Variants in CSMD1 observed in about 807,000 individuals in gnomAD.
CSMD1 encodes CUB and Sushi multiple domains 1.
A neutral mutation model predicts 417.5 loss-of-function variants in CSMD1; 213 were observed. The observed-to-expected ratio is 0.51, with a 90% CI of 0.46 to 0.57. The LOEUF (loss-of-function observed/expected upper bound fraction) is 0.57, where lower values mean the gene tolerates loss of function less well. Ranked by LOEUF, CSMD1 falls within the 20% of genes least tolerant of loss-of-function variation. The probability of loss-of-function intolerance (pLI) is 0.00; values close to 1 mark genes in which losing one functional copy is unlikely to be tolerated. For synonymous variants in CSMD1, 2,862 were observed against 1,736.8 expected, an observed-to-expected ratio of 1.65 and a Z score of -16.11; for missense variants, 6,923 against 4,529.7, an observed-to-expected ratio of 1.53 and a Z score of -15.17.
chr8:4,103,663 C>G (rs1211351818), intron 3 of CSMD1, among the ~76,000 whole-genome samples: 2 of 151,926 alleles, frequency 1.3e-5, no homozygotes, highest in Non-Finnish European at 2.9e-5. Flanking sequence ...TCTGATATGC[C>G]ACATTTTTAC....
intron 25 of CSMD1, among the ~76,000 whole-genome samples, chr8:3,292,155 C>G (rs149247120): frequency 0.029 from 4,441 of 152,210 alleles, 222 homozygotes; most frequent in African/African-American, 0.097. Context: ...GTTTCTTTAT[C>G]TTGAGTTCTA....
At chr8:3,374,658 G>C in intron 18 of CSMD1, among the ~76,000 whole-genome samples, 1 of 152,120 alleles carries the variant, frequency 6.6e-6, no homozygotes. Context: ...CAAGGTCGGA[G>C]GAAATGCAGA....
At chr8:4,446,130 T>C (rs914301950) in intron 2 of CSMD1, among the ~76,000 whole-genome samples, 8 of 152,182 alleles carry the variant, frequency 5.3e-5, no homozygotes, top group African/African-American at 1.9e-4. Flanking sequence ...GTTACATTCG[T>C]TACATACGTG....
intron 1 of CSMD1, among the ~76,000 whole-genome samples, chr8:4,751,517 T>C (rs940169225): frequency 1.3e-5 from 2 of 152,148 alleles, no homozygotes; most frequent in African/African-American, 2.4e-5. Context: ...TAGATAACTT[T>C]CTAAAGTTAT....
intron 3 of CSMD1, among the ~76,000 whole-genome samples, chr8:4,156,070 G>A (rs1433298128): frequency 6.6e-6 from 1 of 152,100 alleles, no homozygotes. Flanking sequence ...AAATGGAATT[G>A]GAATAGGGCT....
chr8:4,335,593 A>C (rs1203828807), intron 3 of CSMD1, among the ~76,000 whole-genome samples: 1 of 152,136 alleles, frequency 6.6e-6, no homozygotes, highest in Admixed American at 6.6e-5. Flanking sequence ...CTTTTCCTTA[A>C]AACTACTCTA....
chr8:4,310,440 C>G (rs1376700955), intron 3 of CSMD1, among the ~76,000 whole-genome samples: 1 of 152,152 alleles, frequency 6.6e-6, no homozygotes, highest in African/African-American at 2.4e-5. Flanking sequence ...ATAAATTGTG[C>G]AGAAGTAGGA....
intron 12 of CSMD1, among the ~76,000 whole-genome samples, chr8:3,426,627 C>A (rs1291206230): frequency 3.3e-5 from 5 of 152,154 alleles, no homozygotes; most frequent in Non-Finnish European, 7.4e-5. Flanking sequence ...CTGCCACTTT[C>A]AAGGTGAGAT....
At chr8:4,757,888 G>A (rs1811767205) in intron 1 of CSMD1, among the ~76,000 whole-genome samples, 1 of 150,562 alleles carries the variant, frequency 6.6e-6, no homozygotes, top group Non-Finnish European at 1.5e-5. Flanking sequence ...GAACCTGGGA[G>A]GCAGCGGTTG....
chr8:3,565,414 G>C (rs922502334), intron 10 of CSMD1, among the ~76,000 whole-genome samples: 4 of 152,136 alleles, frequency 2.6e-5, no homozygotes, highest in Non-Finnish European at 5.9e-5. Flanking sequence ...ATAGGAAAGG[G>C]TGGTGTGTCT....
chr8:4,722,835 A>G (rs1809148655), intron 1 of CSMD1, among the ~76,000 whole-genome samples: 1 of 152,156 alleles, frequency 6.6e-6, no homozygotes, highest in Non-Finnish European at 1.5e-5. Context: ...CATAAATACT[A>G]CTGGAATGAC....
chr8:3,118,305 C>A, intron 42 of CSMD1, 94 bp downstream of exon 42: 2 of 846,172 alleles, frequency 2.4e-6, no homozygotes, highest in South Asian at 1.9e-5. Context: ...TTATTGAATA[C>A]ATTAATAAAT....
At chr8:4,605,064 C>G (rs1219895460) in intron 2 of CSMD1, among the ~76,000 whole-genome samples, 1 of 152,150 alleles carries the variant, frequency 6.6e-6, no homozygotes, top group Non-Finnish European at 1.5e-5. Context: ...CTATCTAACT[C>G]CTGCTAAGCT....
intron 23 of CSMD1, among the ~76,000 whole-genome samples, chr8:3,323,024 T>TTTC (rs1447206866): frequency 6.6e-6 from 1 of 152,236 alleles, no homozygotes; most frequent in African/African-American, 2.4e-5. Context: ...GGTTTATTCC[T>TTTC]TTCTTCATCT....
At chr8:4,852,466 G>A (rs984173023) in intron 1 of CSMD1, among the ~76,000 whole-genome samples, 1 of 152,080 alleles carries the variant, frequency 6.6e-6, no homozygotes, top group East Asian at 1.9e-4. Context: ...GCTTGATGAG[G>A]CCTCACCAGT....
intron 2 of CSMD1, among the ~76,000 whole-genome samples, chr8:4,559,947 C>A (rs1458986548): frequency 6.6e-6 from 1 of 152,226 alleles, no homozygotes; most frequent in Admixed American, 6.5e-5. Context: ...CACCAGCCAT[C>A]CCTGTAATCA....
At chr8:3,807,899 AG>A (rs1328807833) in intron 5 of CSMD1, among the ~76,000 whole-genome samples, 4 of 152,198 alleles carry the variant, frequency 2.6e-5, no homozygotes, top group Non-Finnish European at 4.4e-5. Flanking sequence ...CTTCTTGCCA[AG>A]TAATCACATA....
In CSMD1 at chr8:2,950,354, A is replaced by G. The variant is rs773947103; in HGVS notation, c.10202-11T>C. 2 of 1,556,154 alleles carry G rather than the reference A, an allele frequency of 1.3e-6. No homozygotes were observed. Among genetic ancestry groups the G allele is most frequent in the Non-Finnish European group, 1.8e-6 (2 of 1,127,414 alleles). On this transcript the variant is annotated splice_polypyrimidine_tract_variant and intron_variant, in intron 66 of 69. Coordinates refer to ENST00000635120, the MANE Select transcript of CSMD1 (RefSeq NM_033225.6). ...CCTTCTTGTAAATGCCTGTGAAAAG[A>G]TCAGCAGTTTAGGCTTACCTTGGAG...
At chr8:4,037,114 C>T (rs947485179) in intron 3 of CSMD1, among the ~76,000 whole-genome samples, 1 of 152,154 alleles carries the variant, frequency 6.6e-6, no homozygotes, top group Non-Finnish European at 1.5e-5. Flanking sequence ...AATTATTTTA[C>T]TTGTTTTTAT....
Sources: gnomAD v4.1 joint callset for allele counts (sites outside exome capture counted in the v4.1 genomes callset) on GRCh38, gnomAD v4.1.1 for gene constraint, MANE v1.5 for transcripts, NCBI Gene and HGNC (gene_info 2026-07-23, HGNC 2026-07-21) for gene names.